Variants in PCDH11X observed in about 807,000 individuals in gnomAD.
The protein encoded by PCDH11X is protocadherin 11 X-linked, also known as protocadherin-11 X-linked.
In PCDH11X, 18 loss-of-function variants were observed where a neutral mutation model predicts 53.3. That is an observed-to-expected ratio of 0.34 (90% CI 0.23 to 0.50). PCDH11X has a LOEUF of 0.50. PCDH11X is among the 20% of genes least tolerant of loss of function. PCDH11X has a pLI of 0.98. For synonymous variants in PCDH11X, 279 were observed against 393.3 expected (o/e 0.71, Z 3.44); for missense variants, 570 against 1,032.4 (o/e 0.55, Z 6.14).
intron 7 of PCDH11X, among the ~76,000 whole-genome samples, chrX:92,214,253 CA>C (rs1485155829): frequency 1.8e-5 from 2 of 111,741 alleles, no homozygotes; most frequent in African/African-American, 6.5e-5. Flanking sequence ...AGGGCACATT[CA>C]AATGCGCAAG....
chrX:91,788,281 C>A (rs1935400005), intron 1 of PCDH11X, among the ~76,000 whole-genome samples: 1 of 111,238 alleles, frequency 9.0e-6, no homozygotes. Flanking sequence ...ATACTGTTTC[C>A]CACATTTTGT....
intron 1 of PCDH11X, among the ~76,000 whole-genome samples, chrX:91,790,809 A>C (rs185382019): frequency 9.0e-6 from 1 of 111,638 alleles, no homozygotes; most frequent in African/African-American, 3.3e-5. Context: ...GTATCAAGTT[A>C]AAACAAATGA....
intron 6 of PCDH11X, among the ~76,000 whole-genome samples, chrX:92,050,016 C>A (rs2063345870): frequency 8.9e-6 from 1 of 112,278 alleles, no homozygotes. Flanking sequence ...CTCAGGTGAT[C>A]TGCCCGCCTC....
At chrX:92,568,733 G>C (rs1200265642) in intron 10 of PCDH11X, among the ~76,000 whole-genome samples, 3 of 93,448 alleles carry the variant, frequency 3.2e-5, no homozygotes, top group Non-Finnish European at 6.5e-5. Flanking sequence ...ACAACCTGAA[G>C]TATCACAATT....
chrX:91,920,966 A>C (rs905237006), intron 6 of PCDH11X, among the ~76,000 whole-genome samples: 1 of 111,293 alleles, frequency 9.0e-6, no homozygotes, highest in Non-Finnish European at 1.9e-5. Flanking sequence ...CACACACTTG[A>C]AAAACTCTGT....
intron 5 of PCDH11X, among the ~76,000 whole-genome samples, chrX:91,851,482 T>A (rs1352002227): frequency 8.9e-6 from 1 of 111,998 alleles, no homozygotes; most frequent in Non-Finnish European, 1.9e-5. Flanking sequence ...TTAATTTTTA[T>A]GAGTACATAG....
intron 6 of PCDH11X, among the ~76,000 whole-genome samples, chrX:92,087,021 G>A (rs1240005429): frequency 9.1e-6 from 1 of 109,928 alleles, no homozygotes; most frequent in Non-Finnish European, 1.9e-5. Flanking sequence ...TTGGTAACCT[G>A]TTCATGCACA....
intron 9 of PCDH11X, among the ~76,000 whole-genome samples, chrX:92,452,451 ATG>A (rs1289824916): frequency 6.3e-5 from 4 of 63,703 alleles, no homozygotes; most frequent in South Asian, 9.6e-4. Flanking sequence ...TATAATATAG[ATG>A]TGTGTGTGTG....
intron 5 of PCDH11X, among the ~76,000 whole-genome samples, chrX:91,844,952 C>T (rs1020657488): frequency 1.8e-5 from 2 of 111,083 alleles, no homozygotes; most frequent in African/African-American, 3.3e-5. Flanking sequence ...TAATCATATA[C>T]TGCCTCTACG....
At chrX:91,909,854 C>A (rs1439514760) in intron 6 of PCDH11X, among the ~76,000 whole-genome samples, 1 of 111,609 alleles carries the variant, frequency 9.0e-6, no homozygotes, top group Non-Finnish European at 1.9e-5. Context: ...TATACCTATA[C>A]ATTGTGAAAT....
At chrX:92,049,767 G>GT (rs2063340343) in intron 6 of PCDH11X, among the ~76,000 whole-genome samples, 1 of 110,780 alleles carries the variant, frequency 9.0e-6, no homozygotes, top group African/African-American at 3.3e-5. Flanking sequence ...TGTCAGCGTG[G>GT]TTTTTTGTTT....
At chrX:92,081,301 C>T (rs1432046892) in intron 6 of PCDH11X, among the ~76,000 whole-genome samples, 4 of 110,084 alleles carry the variant, frequency 3.6e-5, no homozygotes, top group Admixed American at 9.8e-5. Context: ...CCTAGCTCTG[C>T]CCCTGCTTGA....
intron 8 of PCDH11X, among the ~76,000 whole-genome samples, chrX:92,351,033 G>A (rs1391348433): frequency 1.8e-5 from 2 of 111,888 alleles, no homozygotes; most frequent in Non-Finnish European, 3.8e-5. Flanking sequence ...AATTCAAAGT[G>A]GAAGAAAGAA....
At chrX:91,814,920 A>G (rs1936406681) in intron 4 of PCDH11X, among the ~76,000 whole-genome samples, 1 of 110,324 alleles carries the variant, frequency 9.1e-6, no homozygotes, top group African/African-American at 3.3e-5. Flanking sequence ...ACCTTTGTTT[A>G]TTATTTTTTT....
At position 91,960,571 on chromosome X, in the gene PCDH11X, C is replaced by G. The variant is rs7881546; in HGVS notation, c.3033+81298C>G. Among the ~76,000 whole-genome samples the G allele has an allele frequency of 5.4e-5, 6 of 110,156 alleles. No homozygotes were observed. The East Asian group carries it at 1.2e-3, about 21-fold the overall frequency. On this transcript the variant is annotated intron_variant, in intron 6 of 10. Coordinates refer to ENST00000682573, the MANE Select transcript of PCDH11X (RefSeq NM_032968.5). ...TCCCGAATAGCTGGGATTACAGGCA[C>G]CCCCCATCATGCCTGGCTAATTTTT...
At position 92,292,487 on chromosome X, in the gene PCDH11X, A is replaced by G. The variant is rs775997997; in HGVS notation, c.3144+29344A>G. Among the ~76,000 whole-genome samples the G allele has an allele frequency of 1.0e-3, 116 of 112,305 alleles. 1 individual carries two copies. Among genetic ancestry groups the G allele is most frequent in the African/African-American group, 3.6e-3 (112 of 30,975 alleles). On this transcript the variant is annotated intron_variant, in intron 8 of 10. Coordinates refer to ENST00000682573, the MANE Select transcript of PCDH11X (RefSeq NM_032968.5). Reference sequence around the variant, plus strand: ...GTTCTATTTTATTGAAAGAATTCAGAAGACTTTTAAAATTAGGTATATAGA... The same window carrying G: ...GTTCTATTTTATTGAAAGAATTCAGGAGACTTTTAAAATTAGGTATATAGA...
At chrX:92,478,853 T>C (rs1362735586) in intron 10 of PCDH11X, among the ~76,000 whole-genome samples, 1 of 111,024 alleles carries the variant, frequency 9.0e-6, no homozygotes, top group Non-Finnish European at 1.9e-5. Context: ...CATTCTGTGG[T>C]ATTTGGGTAG....
In PCDH11X at chrX:92,139,597, G is replaced by A. The variant is rs751410296; in HGVS notation, c.3034-61778G>A. 6.3e-4 allele frequency among the ~76,000 whole-genome samples: 69 copies of A among 110,396 alleles called. 1 individual carries two copies. In the South Asian group the frequency reaches 0.012, roughly 19 times the overall value. The stretch of plus-strand genomic sequence containing the variant: ...CTAATCAAAACGACAGTAGCTGCAC[G>A]TAAATGTACTTCACTCAAATAAAAT... On this transcript the variant is annotated intron_variant, in intron 6 of 10. Coordinates refer to ENST00000682573, the MANE Select transcript of PCDH11X (RefSeq NM_032968.5).
At chrX:91,832,428 G>A (rs1937141401) in intron 4 of PCDH11X, among the ~76,000 whole-genome samples, 1 of 101,233 alleles carries the variant, frequency 9.9e-6, no homozygotes, top group Admixed American at 1.1e-4. Context: ...TCACTCATAG[G>A]TGGGAATTGA....
Sources: allele counts gnomAD v4.1 joint callset (sites outside exome capture counted in the v4.1 genomes callset), GRCh38; gene constraint gnomAD v4.1.1; transcripts MANE v1.5; gene names NCBI Gene and HGNC (gene_info 2026-07-23, HGNC 2026-07-21).